The following TFDP1 variants were observed in gnomAD, a reference collection of about 807,000 sequenced individuals.
TFDP1 encodes transcription factor Dp-1.
TFDP1 carries 6 observed loss-of-function variants against 48.0 expected under a neutral mutation model. The ratio of observed to expected loss-of-function variants is 0.13; its 90% CI spans 0.07 to 0.25. The LOEUF (loss-of-function observed/expected upper bound fraction) is 0.25. Among genes scored for constraint, TFDP1 ranks in the 10% least tolerant of loss-of-function variants. TFDP1 has a pLI of 1.00. For missense variants in TFDP1, 335 were observed against 543.0 expected (o/e 0.62, Z 3.81); for synonymous variants, 201 against 211.6 (o/e 0.95, Z 0.44).
At chr13:113,593,217 C>T (rs2048191704) in intron 2 of TFDP1, among the ~76,000 whole-genome samples, 1 of 138,766 alleles carries the variant, frequency 7.2e-6, no homozygotes, top group South Asian at 2.4e-4. Context: ...CAGCCCTGTC[C>T]AGGTGACAGG....
intron 11 of TFDP1, among the ~76,000 whole-genome samples, chr13:113,639,690 C>T (rs908097827): frequency 2.6e-5 from 4 of 152,196 alleles, no homozygotes; most frequent in South Asian, 4.1e-4. Flanking sequence ...TCTCAGTCCC[C>T]GCTGCCAGAT....
At chr13:113,610,666 C>T (rs1005818576) in intron 2 of TFDP1, among the ~76,000 whole-genome samples, 2 of 152,250 alleles carry the variant, frequency 1.3e-5, no homozygotes, top group African/African-American at 4.8e-5. Flanking sequence ...TTACCTGTGC[C>T]ACACTTAAAT....
intron 3 of TFDP1, among the ~76,000 whole-genome samples, chr13:113,613,656 CGTGGGTATGAGTGTGT>C (rs1566655607): frequency 7.8e-6 from 1 of 127,564 alleles, no homozygotes; most frequent in Non-Finnish European, 1.7e-5. Context: ...TGCGTGAATG[CGTGGGTATGAGTGTGT>C]GTGTGCATGA....
At chr13:113,628,519 C>T (rs1226751381) in intron 4 of TFDP1, among the ~76,000 whole-genome samples, 3 of 152,226 alleles carry the variant, frequency 2.0e-5, no homozygotes, top group African/African-American at 7.2e-5. Flanking sequence ...GTGGGTGTCC[C>T]TGGCGCCTTT....
chr13:113,589,669 G>A (rs952119039), intron 2 of TFDP1, among the ~76,000 whole-genome samples: 1 of 152,230 alleles, frequency 6.6e-6, no homozygotes, highest in African/African-American at 2.4e-5. Context: ...GTGGTGCTCG[G>A]AACCGTCCTC....
intron 1 of TFDP1, chr13:113,585,169 C>CGGGGCT (rs1193083100): frequency 6.9e-6 from 1 of 145,106 alleles, no homozygotes; most frequent in African/African-American, 2.5e-5. Flanking sequence ...GGGCCGGGGC[C>CGGGGCT]GGGGCTGGGG....
Position 113,640,253 on chromosome 13 carries a change from G to A in TFDP1, c.1219G>A (p.Asp407Asn). ...DEEDDDFNEN[D>N]EDD ...GGAGGACGATGACTTCAACGAGAAT[G>A]ACGAGGACGACTGACGTCCTCCCCA... Residue 407 changes from aspartate to asparagine, a missense_variant, in exon 12 of 12, where the codon GAC becomes AAC. This residue lies in a region of TFDP1 where 204 missense variants were observed against 287.1 expected (regional missense o/e 0.71). Transcript: ENST00000375370. 6.2e-7 allele frequency: 1 copy of A among 1,612,474 alleles called. No individual in the cohort carries two copies. The highest frequency in any genetic ancestry group is 8.5e-7 in the Non-Finnish European group (1 of 1,179,480).
At chr13:113,618,656 TG>T (rs1462336199) in intron 3 of TFDP1, among the ~76,000 whole-genome samples, 2 of 152,232 alleles carry the variant, frequency 1.3e-5, no homozygotes, top group African/African-American at 4.8e-5. Context: ...GGGTGGACTC[TG>T]GGACAGCGGC....
At chr13:113,588,781 A>C (rs931408406) in intron 2 of TFDP1, among the ~76,000 whole-genome samples, 6 of 147,384 alleles carry the variant, frequency 4.1e-5, no homozygotes, top group Non-Finnish European at 8.9e-5. Flanking sequence ...GATTGGACGG[A>C]GAGTGAGTGT....
chr13:113,639,602 G>C (rs747371750), intron 11 of TFDP1, among the ~76,000 whole-genome samples: 35 of 152,210 alleles, frequency 2.3e-4, no homozygotes, highest in Admixed American at 1.3e-4. Context: ...TATGTTAATT[G>C]AAAACATCTT....
chr13:113,631,475 C>G, intron 4 of TFDP1, 148 bp from the exon 5 acceptor site: 1 of 989,858 alleles, frequency 1.0e-6, no homozygotes, highest in Non-Finnish European at 1.4e-6. Flanking sequence ...AAAGCGTCCA[C>G]CGCTGGACGT....
chr13:113,586,993 A>G (rs1337123181), intron 2 of TFDP1, among the ~76,000 whole-genome samples: 1 of 152,230 alleles, frequency 6.6e-6, no homozygotes, highest in Non-Finnish European at 1.5e-5. Flanking sequence ...CATGTTCATT[A>G]CATCTCCTCA....
chr13:113,608,699 A>T (rs1178946757), intron 2 of TFDP1, among the ~76,000 whole-genome samples: 2 of 152,044 alleles, frequency 1.3e-5, no homozygotes, highest in Non-Finnish European at 2.9e-5. Context: ...CCTTGTGTTT[A>T]ACTTCTCGGT....
chr13:113,593,162 G>T (rs1237131223), intron 2 of TFDP1, among the ~76,000 whole-genome samples: 1 of 139,632 alleles, frequency 7.2e-6, no homozygotes, highest in Non-Finnish European at 1.5e-5. Flanking sequence ...GCTGTGTGTG[G>T]GTCCTCACCC....
intron 2 of TFDP1, among the ~76,000 whole-genome samples, chr13:113,595,075 T>C (rs1234631685): frequency 6.6e-6 from 1 of 152,204 alleles, no homozygotes; most frequent in Non-Finnish European, 1.5e-5. Context: ...TCAGTTATTT[T>C]TTTCTACCAT....
Position 113,590,634 on chromosome 13 carries a change from AAG to A in TFDP1, c.12+4788_12+4789del, listed in dbSNP as rs1183212510. On this transcript the variant is annotated intron_variant, in intron 2 of 11. Coordinates refer to ENST00000375370, the MANE Select transcript of TFDP1 (RefSeq NM_007111.5). ...TCTATGATGACGTGCTTGTTTTTAC[AAG>A]AGTCTTTTCATATTTCAGGATTTTT... 1.1e-4 allele frequency among the ~76,000 whole-genome samples: 16 copies of A among 152,304 alleles called. No homozygotes were observed. The South Asian group carries it at 2.5e-3, about 24-fold the overall frequency.
intron 3 of TFDP1, among the ~76,000 whole-genome samples, chr13:113,611,993 C>A (rs1169652153): frequency 5.3e-5 from 8 of 152,116 alleles, no homozygotes; most frequent in African/African-American, 1.9e-4. Context: ...TAAAAGGAAC[C>A]TTAAGATTTT....
At chr13:113,612,402 G>A (rs2048730179) in intron 3 of TFDP1, among the ~76,000 whole-genome samples, 1 of 152,206 alleles carries the variant, frequency 6.6e-6, no homozygotes, top group South Asian at 2.1e-4. Flanking sequence ...CTTCCCTGCC[G>A]CTTTTCTAGG....
chr13:113,640,225 CGAGGAGGACGAT>C lies in TFDP1; in HGVS notation c.1194_1205del (p.Glu398_Asp401del), dbSNP rs2049609403. 1 of 1,613,362 alleles carries C rather than the reference CGAGGAGGACGAT, an allele frequency of 6.2e-7. No homozygotes were observed. The highest frequency in any genetic ancestry group is 2.2e-5 in the East Asian group (1 of 44,804). On this transcript the variant is annotated inframe_deletion, in exon 12 of 12. Transcript: ENST00000375370. ...CGGTGTCCTACGTCGGGGAGGACGA[CGAGGAGGACGAT>C]GACTTCAACGAGAATGACGAGGACG...
Sources: allele counts gnomAD v4.1 joint callset (sites outside exome capture counted in the v4.1 genomes callset), GRCh38; gene constraint gnomAD v4.1.1; regional missense constraint gnomAD v4.1.1; transcripts MANE v1.5; gene names NCBI Gene and HGNC (gene_info 2026-07-23, HGNC 2026-07-21).